Variants in UNC79 observed in about 807,000 individuals in gnomAD.
The protein encoded by UNC79 is unc-79 subunit of NALCN channel complex.
In UNC79, 37 loss-of-function variants were observed where a neutral mutation model predicts 283.1. The observed-to-expected ratio is 0.13, with a 90% CI of 0.10 to 0.17. The LOEUF is 0.17. Among genes scored for constraint, UNC79 ranks in the 10% least tolerant of loss-of-function variants. The pLI is 1.00. For missense variants in UNC79, 2,272 were observed against 3,211.1 expected, an observed-to-expected ratio of 0.71 and a Z score of 7.07; for synonymous variants, 1,107 against 1,200.2, an observed-to-expected ratio of 0.92 and a Z score of 1.61.
At chr14:93,333,870 G>A (rs2053513449) in intron 1 of UNC79, among the ~76,000 whole-genome samples, 1 of 152,196 alleles carries the variant, frequency 6.6e-6, no homozygotes, top group African/African-American at 2.4e-5. Flanking sequence ...TACAACCAAG[G>A]AGACAGGCTC....
chr14:93,660,471 T>G (rs956837243), intron 39 of UNC79, among the ~76,000 whole-genome samples: 9 of 137,972 alleles, frequency 6.5e-5, no homozygotes, highest in African/African-American at 1.9e-4. Context: ...ATGTGCAACA[T>G]GAGACATTCC....
intron 1 of UNC79, among the ~76,000 whole-genome samples, chr14:93,462,730 G>C (rs900945132): frequency 6.6e-6 from 1 of 152,176 alleles, no homozygotes; most frequent in Non-Finnish European, 1.5e-5. Context: ...GAGGTACGGC[G>C]GGGAATAGGG....
At chr14:93,493,107 T>C (rs889557473) in intron 5 of UNC79, among the ~76,000 whole-genome samples, 1 of 152,212 alleles carries the variant, frequency 6.6e-6, no homozygotes, top group Admixed American at 6.5e-5. Flanking sequence ...TTTGCTTTTA[T>C]TGAGGAAGTC....
intron 47 of UNC79, 122 bp from the exon 51 acceptor site, chr14:93,704,503 G>T (rs2075738400): frequency 8.9e-7 from 1 of 1,122,022 alleles, no homozygotes; most frequent in Non-Finnish European, 1.3e-6. Flanking sequence ...CCCTGCAGCA[G>T]GGCCCACATC....
At chr14:93,581,449 A>G (rs2063795076) in intron 19 of UNC79, among the ~76,000 whole-genome samples, 1 of 148,820 alleles carries the variant, frequency 6.7e-6, no homozygotes, top group Non-Finnish European at 1.5e-5. Context: ...CTGGGATTAC[A>G]GGCATGAACC....
intron 1 of UNC79, among the ~76,000 whole-genome samples, chr14:93,340,571 CTTTTT>C (rs1182617864): frequency 2.9e-5 from 4 of 135,782 alleles, no homozygotes; most frequent in Admixed American, 7.4e-5. Context: ...GTAGGAGAAA[CTTTTT>C]TTTTTTTTTT....
chr14:93,457,814 A>G (rs4905068), intron 1 of UNC79, among the ~76,000 whole-genome samples: 97,512 of 152,020 alleles, frequency 0.64, 31,769 homozygotes, highest in Middle Eastern at 0.77. Context: ...GGTGATGTCA[A>G]TGTGGCTGGA....
At chr14:93,483,783 T>C (rs2058266737) in intron 4 of UNC79, among the ~76,000 whole-genome samples, 1 of 148,458 alleles carries the variant, frequency 6.7e-6, no homozygotes, top group South Asian at 2.2e-4. Context: ...AGTGAGAACA[T>C]GCGGTGTTTG....
intron 1 of UNC79, among the ~76,000 whole-genome samples, chr14:93,456,033 A>G (rs2056788225): frequency 6.6e-6 from 1 of 151,866 alleles, no homozygotes; most frequent in Non-Finnish European, 1.5e-5. Context: ...TTACAGATGT[A>G]TGATGAGGTG....
intron 1 of UNC79, among the ~76,000 whole-genome samples, chr14:93,414,167 C>A (rs1354122010): frequency 6.6e-6 from 1 of 151,556 alleles, no homozygotes; most frequent in African/African-American, 2.4e-5. Context: ...TTAGGTCTAA[C>A]GTTTAAGTCT....
At chr14:93,368,682 T>C (rs1227537682) in intron 1 of UNC79, among the ~76,000 whole-genome samples, 2 of 152,096 alleles carry the variant, frequency 1.3e-5, no homozygotes, top group Non-Finnish European at 2.9e-5. Flanking sequence ...ATGTTGCTCA[T>C]GCTGGTCTCA....
At chr14:93,439,696 T>C (rs1325254232) in intron 1 of UNC79, among the ~76,000 whole-genome samples, 1 of 152,146 alleles carries the variant, frequency 6.6e-6, no homozygotes, top group Non-Finnish European at 1.5e-5. Context: ...TTAAAAGTTT[T>C]TTAGAGTTCC....
chr14:93,561,367 T>G (rs1489693776), intron 14 of UNC79, among the ~76,000 whole-genome samples: 1 of 152,010 alleles, frequency 6.6e-6, no homozygotes, highest in Admixed American at 6.5e-5. Context: ...CTTGCTGATG[T>G]GAAATGTCTG....
chr14:93,594,157 T>C (rs779532060), intron 23 of UNC79, among the ~76,000 whole-genome samples: 12 of 152,174 alleles, frequency 7.9e-5, no homozygotes, highest in Non-Finnish European at 1.6e-4. Flanking sequence ...ACCTATGAGT[T>C]TACTTGCATC....
intron 1 of UNC79, among the ~76,000 whole-genome samples, chr14:93,361,817 A>T (rs1224741485): frequency 6.6e-6 from 1 of 152,138 alleles, no homozygotes; most frequent in Non-Finnish European, 1.5e-5. Context: ...CAGTGTGATG[A>T]TGGCTGTAGG....
chr14:93,417,713 G>C (rs1226433155), intron 1 of UNC79, among the ~76,000 whole-genome samples: 1 of 152,130 alleles, frequency 6.6e-6, no homozygotes, highest in Non-Finnish European at 1.5e-5. Flanking sequence ...TGGAGGCTTT[G>C]TTCATTTCTT....
intron 1 of UNC79, among the ~76,000 whole-genome samples, chr14:93,375,940 G>A (rs947234442): frequency 1.7e-5 from 2 of 115,874 alleles, no homozygotes; most frequent in Non-Finnish European, 3.6e-5. Context: ...AAGAGGAAGC[G>A]AGACCTGAGC....
chr14:93,480,101 C>T (rs1407276177), intron 4 of UNC79, among the ~76,000 whole-genome samples: 2 of 152,152 alleles, frequency 1.3e-5, no homozygotes, highest in Non-Finnish European at 2.9e-5. Flanking sequence ...TTAATTTCTA[C>T]TTAATTAGAA....
intron 41 of UNC79, among the ~76,000 whole-genome samples, chr14:93,674,151 A>C (rs954195485): frequency 1.3e-5 from 2 of 152,138 alleles, no homozygotes; most frequent in African/African-American, 2.4e-5. Flanking sequence ...TGAGAGAAAG[A>C]GGTAAAAAAA....
Sources: allele counts gnomAD v4.1 joint callset (sites outside exome capture counted in the v4.1 genomes callset), GRCh38; gene constraint gnomAD v4.1.1; transcripts MANE v1.5; gene names NCBI Gene and HGNC (gene_info 2026-07-23, HGNC 2026-07-21).